G3BP1: variants seen among roughly 807,000 people sequenced by gnomAD.
The protein encoded by G3BP1 is ras GTPase-activating protein-binding protein 1.
G3BP1 carries 35 observed loss-of-function variants against 58.6 expected under a neutral mutation model. The ratio of observed to expected loss-of-function variants is 0.60; its 90% CI spans 0.46 to 0.79. The LOEUF is 0.79. G3BP1 is among the 30% of genes least tolerant of loss of function. G3BP1 has a pLI of 0.00. For synonymous variants in G3BP1, 191 were observed against 195.4 expected, an observed-to-expected ratio of 0.98 and a Z score of 0.19; for missense variants, 523 against 580.8, an observed-to-expected ratio of 0.90 and a Z score of 1.02.
At position 151,808,687 on chromosome 5, in the gene G3BP1, T is replaced by G. The variant is rs888398793; in HGVS notation, c.*4596T>G. On this transcript the variant is annotated 3_prime_UTR_variant, in exon 12 of 12. Transcript: ENST00000356245. Reference sequence around the variant, plus strand: ...AGTGTCCCAGATTTGTAAGGTACAGTGTGCATACAGTGTGTCTTAGGATTT... The same window carrying G: ...AGTGTCCCAGATTTGTAAGGTACAGGGTGCATACAGTGTGTCTTAGGATTT... The G allele has an allele frequency of 6.6e-6, 1 of 152,236 alleles. No homozygotes were observed. Among genetic ancestry groups the G allele is most frequent in the African/African-American group, 2.4e-5 (1 of 41,458 alleles). 9.4% of individuals were successfully genotyped at this position (152,236 alleles called of 1,614,324 possible). A position where few individuals can be genotyped will look rare whatever the true frequency, so the allele number is the denominator to read the frequency against.
chr5:151,786,316 A>G lies in G3BP1; in HGVS notation c.-49-256A>G, dbSNP rs117217227. On this transcript the variant is annotated intron_variant, in intron 1 of 11. Coordinates refer to ENST00000356245, the MANE Select transcript of G3BP1 (RefSeq NM_005754.3). ...ACAAAACAAGAAAATTATGGTGGGAAGTATGTTGGAAATATATACCTTTGA... is the reference window on the plus strand; with the variant it reads ...ACAAAACAAGAAAATTATGGTGGGAGGTATGTTGGAAATATATACCTTTGA... 2.8e-3 allele frequency among the ~76,000 whole-genome samples: 426 copies of G among 152,304 alleles called. 18 individuals carry two copies. The East Asian group carries it at 0.075, about 27-fold the overall frequency.
At chr5:151,789,691 A>C (rs1406457482) in intron 2 of G3BP1, among the ~76,000 whole-genome samples, 1 of 152,232 alleles carries the variant, frequency 6.6e-6, no homozygotes, top group East Asian at 1.9e-4. Context: ...GCCTTACCGC[A>C]CATTTTCTTC....
intron 3 of G3BP1, 22 bp from the exon 4 acceptor site, chr5:151,790,867 T>C (rs1581577760): frequency 7.4e-7 from 1 of 1,355,462 alleles, no homozygotes; most frequent in Non-Finnish European, 1.0e-6. Context: ...TTGATTATTA[T>C]TATTATTATT....
chr5:151,795,016 G>A (rs554528177), intron 5 of G3BP1, among the ~76,000 whole-genome samples: 5 of 152,198 alleles, frequency 3.3e-5, no homozygotes, highest in African/African-American at 9.7e-5. Context: ...GGTGGCTCAC[G>A]CCTGTAATTC....
intron 5 of G3BP1, among the ~76,000 whole-genome samples, chr5:151,795,112 C>T (rs1305957181): frequency 6.6e-6 from 1 of 152,072 alleles, no homozygotes; most frequent in African/African-American, 2.4e-5. Flanking sequence ...CCCATCTCTA[C>T]TAAAAATACA....
intron 1 of G3BP1, among the ~76,000 whole-genome samples, chr5:151,774,561 G>T (rs1352373022): frequency 6.6e-6 from 1 of 151,248 alleles, no homozygotes; most frequent in Non-Finnish European, 1.5e-5. Flanking sequence ...CTGCCCACTT[G>T]GTCTTTTAAC....
intron 1 of G3BP1, among the ~76,000 whole-genome samples, chr5:151,785,627 G>T (rs984183425): frequency 6.6e-6 from 1 of 152,072 alleles, no homozygotes; most frequent in Admixed American, 6.5e-5. Context: ...TACAATAATT[G>T]GACTTCTTAT....
At chr5:151,792,003 C>G (rs1561534708) in intron 4 of G3BP1, 2 of 426,964 alleles carry the variant, frequency 4.7e-6, no homozygotes, top group Admixed American at 5.6e-5. Context: ...GATTCTCTAT[C>G]TTTTTATCTT....
At chr5:151,787,368 T>TA (rs1233613841) in intron 2 of G3BP1, 1 of 152,274 alleles carries the variant, frequency 6.6e-6, no homozygotes, top group Non-Finnish European at 1.5e-5. Context: ...TGATGCGCTT[T>TA]AAAAAATTAG....
Position 151,793,831 on chromosome 5 carries a change from C to CAAAAAAAA in G3BP1, c.352-315_352-308dup, listed in dbSNP as rs751382380. Reference sequence around the variant, plus strand: ...AATATAACAAGATCCCGTCTCTACTCAAAAAAAAAAAAAAAAAAAAGAAAA... The same window carrying CAAAAAAAA: ...AATATAACAAGATCCCGTCTCTACTCAAAAAAAAAAAAAAAAAAAAAAAAAAAAGAAAA... On this transcript the variant is annotated intron_variant, in intron 4 of 11. Coordinates refer to ENST00000356245, the MANE Select transcript of G3BP1 (RefSeq NM_005754.3). Among the ~76,000 whole-genome samples the CAAAAAAAA allele has an allele frequency of 1.7e-4, 17 of 97,768 alleles. 2 individuals are homozygous for CAAAAAAAA. The highest frequency in any genetic ancestry group is 2.3e-4 in the Admixed American group (2 of 8,808). 64.1% of individuals were successfully genotyped at this position (97,768 alleles called of 152,430 possible).
chr5:151,791,128 G>A (rs1226862110), intron 4 of G3BP1, 66 bp downstream of exon 4: 1 of 1,321,730 alleles, frequency 7.6e-7, no homozygotes, highest in African/African-American at 1.4e-5. Context: ...GAACTGTTGT[G>A]CATATCTTTA....
At chr5:151,784,199 A>C (rs938117135) in intron 1 of G3BP1, among the ~76,000 whole-genome samples, 1 of 152,186 alleles carries the variant, frequency 6.6e-6, no homozygotes, top group African/African-American at 2.4e-5. Flanking sequence ...GGGCCCTAGC[A>C]TTCCTCGTGC....
chr5:151,774,885 G>A (rs1232027068), intron 1 of G3BP1, among the ~76,000 whole-genome samples: 2 of 152,074 alleles, frequency 1.3e-5, no homozygotes, highest in African/African-American at 2.4e-5. Flanking sequence ...ACAATGTGGT[G>A]GCACACTAGG....
At position 151,800,873 on chromosome 5, in the gene G3BP1, A is replaced by G; in HGVS notation, c.1194+4A>G. The G allele has an allele frequency of 1.4e-6, 2 of 1,444,330 alleles. No individual in the cohort carries two copies. Among genetic ancestry groups the G allele is most frequent in the Non-Finnish European group, 1.9e-6 (2 of 1,039,034 alleles). The allele number at this position is 1,444,330 out of a possible 1,614,324, so 89.5% of individuals were successfully genotyped here. On this transcript the variant is annotated splice_donor_region_variant and intron_variant, in intron 11 of 11. Coordinates refer to ENST00000356245, the MANE Select transcript of G3BP1 (RefSeq NM_005754.3). Reference sequence around the variant, plus strand: ...TCAGAAAGTCCTTAGCAACAGGGTAAGCAGCTTTTTGTCTTGATTTTTTTT... The same window carrying G: ...TCAGAAAGTCCTTAGCAACAGGGTAGGCAGCTTTTTGTCTTGATTTTTTTT...
chr5:151,800,184 T>C, intron 9 of G3BP1, 34 bp from the exon 10 acceptor site: 4 of 1,605,330 alleles, frequency 2.5e-6, no homozygotes, highest in Non-Finnish European at 3.4e-6. Context: ...CTTCTTTCTC[T>C]TGTCTTTCAT....
At chr5:151,792,641 T>C (rs1294763408) in intron 4 of G3BP1, among the ~76,000 whole-genome samples, 1 of 152,218 alleles carries the variant, frequency 6.6e-6, no homozygotes, top group Non-Finnish European at 1.5e-5. Flanking sequence ...TCTCCCTGTG[T>C]TACCCAGGCT....
At chr5:151,793,274 C>CGGCTG (rs1355059678) in intron 4 of G3BP1, among the ~76,000 whole-genome samples, 1 of 151,976 alleles carries the variant, frequency 6.6e-6, no homozygotes, top group Non-Finnish European at 1.5e-5. Flanking sequence ...ATGCCTGTCT[C>CGGCTG]ATTTTTGTAT....
intron 9 of G3BP1, 53 bp downstream of exon 9, chr5:151,800,053 TA>T: frequency 2.3e-6 from 3 of 1,284,634 alleles, no homozygotes; most frequent in Non-Finnish European, 3.3e-6. Flanking sequence ...GGTGAGAGCT[TA>T]TTTTGGGAGG....
intron 11 of G3BP1, among the ~76,000 whole-genome samples, 167 bp from the exon 12 acceptor site, chr5:151,803,718 A>ACT (rs1463629243): frequency 6.6e-6 from 1 of 150,512 alleles, no homozygotes; most frequent in African/African-American, 2.5e-5. Flanking sequence ...CTGGTCTTGA[A>ACT]CTCCTGACCT....
Sources: gnomAD v4.1 joint callset for allele counts (sites outside exome capture counted in the v4.1 genomes callset) on GRCh38, gnomAD v4.1.1 for gene constraint, MANE v1.5 for transcripts, NCBI Gene and HGNC (gene_info 2026-07-23, HGNC 2026-07-21) for gene names.